Variants in ATXN1 observed in about 807,000 individuals in gnomAD.
The protein encoded by ATXN1 is ataxin-1.
Under a neutral mutation model 56.4 loss-of-function variants are expected in ATXN1, and 8 were observed. That is an observed-to-expected ratio of 0.14 (90% CI 0.08 to 0.26). The LOEUF (loss-of-function observed/expected upper bound fraction) is 0.26. Ranked by LOEUF, ATXN1 falls within the 10% of genes least tolerant of loss-of-function variation. ATXN1 has a pLI of 1.00. For missense variants in ATXN1, 987 were observed against 1,106.5 expected (o/e 0.89, Z 1.53); for synonymous variants, 514 against 494.6 (o/e 1.04, Z -0.52).
At chr6:16,445,087 G>A (rs1381611679) in intron 6 of ATXN1, among the ~76,000 whole-genome samples, 1 of 152,114 alleles carries the variant, frequency 6.6e-6, no homozygotes, top group Non-Finnish European at 1.5e-5. Context: ...AGAGGTTTAG[G>A]AGACCGAAAT....
chr6:16,345,722 T>G (rs1002333352), intron 6 of ATXN1, among the ~76,000 whole-genome samples: 6 of 152,258 alleles, frequency 3.9e-5, no homozygotes, highest in Middle Eastern at 3.4e-3. Context: ...CCGAGTTGTT[T>G]CCAGTCACTA....
At chr6:16,682,280 T>C (rs1026447822) in intron 2 of ATXN1, among the ~76,000 whole-genome samples, 3 of 143,434 alleles carry the variant, frequency 2.1e-5, no homozygotes, top group African/African-American at 7.9e-5. Flanking sequence ...CACTGCAACC[T>C]CCACCTCCCA....
At chr6:16,478,890 A>G (rs1581789818) in intron 6 of ATXN1, among the ~76,000 whole-genome samples, 1 of 152,308 alleles carries the variant, frequency 6.6e-6, no homozygotes, top group East Asian at 1.9e-4. Context: ...TGCAGATTGA[A>G]ACACGTAACC....
rs1758770684 is a variant in ATXN1 at position 16,410,309 on chromosome 6, T to C, written c.-161+75663A>G. On this transcript the variant is annotated intron_variant, in intron 6 of 7. Coordinates refer to ENST00000436367, the MANE Select transcript of ATXN1 (RefSeq NM_001128164.2). This position sits in a 1 kb window ranked among gnomAD's most constrained non-coding sequence, Gnocchi z 4.6. ...ATCCAGTTGATGATGTAAGACCCAC[T>C]ATCATAAGCCAATTAGAGAACCAAA... is the stretch of plus-strand genomic sequence containing the variant. Among the ~76,000 whole-genome samples the C allele has an allele frequency of 6.6e-6, 1 of 152,212 alleles. No individual in the cohort carries two copies. The highest frequency in any genetic ancestry group is 2.4e-5 in the African/African-American group (1 of 41,452).
At position 16,328,560 on chromosome 6, in the gene ATXN1, G is replaced by T; in HGVS notation, c.-160-90C>A. 1 of 520,664 alleles carries T rather than the reference G, an allele frequency of 1.9e-6. No individual in the cohort carries two copies. 32.3% of individuals were successfully genotyped at this position (520,664 alleles called of 1,614,324 possible). A position where few individuals can be genotyped will look rare whatever the true frequency, so the allele number is the denominator to read the frequency against. On this transcript the variant is annotated intron_variant, in intron 6 of 7. Transcript: ENST00000436367. This position sits in a 1 kb window ranked among gnomAD's most constrained non-coding sequence, Gnocchi z 6.2. Reference sequence around the variant, plus strand: ...AGGACATCAGAACATGAGCACCGGGGAAAGAACATCTTTGGCAAGATTAAG... The same window carrying T: ...AGGACATCAGAACATGAGCACCGGGTAAAGAACATCTTTGGCAAGATTAAG...
chr6:16,643,508 A>G (rs1763746054), intron 3 of ATXN1, among the ~76,000 whole-genome samples: 1 of 151,590 alleles, frequency 6.6e-6, no homozygotes, highest in African/African-American at 2.4e-5. Context: ...GCACACATGT[A>G]ATCTCAGCTA....
At chr6:16,598,579 G>A (rs1412756185) in intron 3 of ATXN1, among the ~76,000 whole-genome samples, 8 of 152,082 alleles carry the variant, frequency 5.3e-5, no homozygotes, top group African/African-American at 9.7e-5. Flanking sequence ...AAAACTACGC[G>A]GCCCAGACCA....
chr6:16,439,220 T>C (rs145955861), intron 6 of ATXN1, among the ~76,000 whole-genome samples: 13 of 151,814 alleles, frequency 8.6e-5, no homozygotes, highest in African/African-American at 2.9e-4. Context: ...AGTTCCTTTA[T>C]AGTATTACTA....
chr6:16,367,389 C>T (rs930478284), intron 6 of ATXN1, among the ~76,000 whole-genome samples: 1 of 151,506 alleles, frequency 6.6e-6, no homozygotes, highest in Admixed American at 6.6e-5. Flanking sequence ...CACACACATA[C>T]AGACACACAC....
chr6:16,560,245 C>T (rs942161716), intron 4 of ATXN1, among the ~76,000 whole-genome samples: 1 of 151,932 alleles, frequency 6.6e-6, no homozygotes, highest in East Asian at 1.9e-4. Flanking sequence ...GCCTGGCCAA[C>T]ATGGTGAAAC....
chr6:16,729,829 C>G (rs1299256978), intron 2 of ATXN1, among the ~76,000 whole-genome samples: 2 of 152,146 alleles, frequency 1.3e-5, no homozygotes, highest in East Asian at 3.8e-4. Flanking sequence ...AGAAAATGGC[C>G]CTCTGAACAT....
chr6:16,409,635 A>G (rs1758757031), intron 6 of ATXN1, among the ~76,000 whole-genome samples: 1 of 144,280 alleles, frequency 6.9e-6, no homozygotes, highest in Non-Finnish European at 1.5e-5. Flanking sequence ...CCTGGGCAAT[A>G]GAGTAAGACT....
At chr6:16,744,034 T>A (rs639621) in intron 2 of ATXN1, among the ~76,000 whole-genome samples, 4 of 151,862 alleles carry the variant, frequency 2.6e-5, no homozygotes, top group African/African-American at 9.7e-5. Flanking sequence ...TTTCAAATAC[T>A]AACAAATGTT....
chr6:16,558,288 G>A (rs1462585749), intron 4 of ATXN1, among the ~76,000 whole-genome samples: 2 of 125,224 alleles, frequency 1.6e-5, no homozygotes, highest in East Asian at 2.3e-4. Flanking sequence ...GTGACAGAGC[G>A]AGATCCTGTG....
chr6:16,539,163 A>C (rs1761664547), intron 4 of ATXN1, among the ~76,000 whole-genome samples: 1 of 152,214 alleles, frequency 6.6e-6, no homozygotes, highest in Non-Finnish European at 1.5e-5. Flanking sequence ...CACAGGGCTA[A>C]TGTGTTGATC....
intron 6 of ATXN1, among the ~76,000 whole-genome samples, chr6:16,346,863 C>T (rs369088743): frequency 6.6e-6 from 1 of 152,238 alleles, no homozygotes; most frequent in Non-Finnish European, 1.5e-5. Context: ...GCTCCCTCAG[C>T]TTGCGCGGAG....
chr6:16,735,035 G>C (rs1760081967), intron 2 of ATXN1, among the ~76,000 whole-genome samples: 1 of 151,970 alleles, frequency 6.6e-6, no homozygotes, highest in South Asian at 2.1e-4. Context: ...AACAATTTTT[G>C]AACATAATTT....
At position 16,710,915 on chromosome 6, in the gene ATXN1, G is replaced by T. The variant is rs139076194; in HGVS notation, c.-615+42318C>A. Among the ~76,000 whole-genome samples the T allele has an allele frequency of 6.6e-5, 10 of 150,766 alleles. No individual in the cohort carries two copies. The East Asian group carries it at 2.0e-3, about 30-fold the overall frequency. On this transcript the variant is annotated intron_variant, in intron 2 of 7. Coordinates refer to ENST00000436367, the MANE Select transcript of ATXN1 (RefSeq NM_001128164.2). ...TTATTATTATTTTTAATAGAGACACGGTCTCACTCTGCTGCCCAGGATGGA... is the reference window on the plus strand; with the variant it reads ...TTATTATTATTTTTAATAGAGACACTGTCTCACTCTGCTGCCCAGGATGGA...
At chr6:16,745,933 C>CATGTGTGTGTGT (rs1345781976) in intron 2 of ATXN1, among the ~76,000 whole-genome samples, 1 of 147,128 alleles carries the variant, frequency 6.8e-6, no homozygotes, top group Non-Finnish European at 1.5e-5. Flanking sequence ...CTATGCCTTC[C>CATGTGTGTGTGT]GTGTGTGTGT....
Sources: allele counts gnomAD v4.1 joint callset (sites outside exome capture counted in the v4.1 genomes callset), GRCh38; gene constraint gnomAD v4.1.1; non-coding constraint Gnocchi (gnomAD v3.1); transcripts MANE v1.5; gene names NCBI Gene and HGNC (gene_info 2026-07-23, HGNC 2026-07-21).